PRKG1: variants seen among roughly 807,000 people sequenced by gnomAD.
PRKG1 encodes the protein protein kinase cGMP-dependent 1.
Under a neutral mutation model 88.1 loss-of-function variants are expected in PRKG1, and 35 were observed. The observed-to-expected ratio is 0.40, with a 90% CI of 0.30 to 0.53. The LOEUF is 0.53. Ranked by LOEUF, PRKG1 falls within the 20% of genes least tolerant of loss-of-function variation. The pLI, the probability that PRKG1 is intolerant of heterozygous loss-of-function variation, is 0.59. For synonymous variants in PRKG1, 303 were observed against 292.5 expected (o/e 1.04, Z -0.37); for missense variants, 540 against 839.8 (o/e 0.64, Z 4.41).
intron 1 of PRKG1, among the ~76,000 whole-genome samples, chr10:51,128,634 T>C (rs1845489792): frequency 6.6e-6 from 1 of 152,186 alleles, no homozygotes; most frequent in Non-Finnish European, 1.5e-5. Context: ...GTAAGTGGAA[T>C]TGCAAATCAA....
At chr10:51,861,198 G>T (rs1044060381) in intron 4 of PRKG1, among the ~76,000 whole-genome samples, 1 of 152,164 alleles carries the variant, frequency 6.6e-6, no homozygotes, top group Admixed American at 6.5e-5. Flanking sequence ...GTTCAAATAT[G>T]CTTAAACAAA....
At chr10:51,106,365 T>C (rs1164275280) in intron 1 of PRKG1, among the ~76,000 whole-genome samples, 1 of 152,174 alleles carries the variant, frequency 6.6e-6, no homozygotes, top group Non-Finnish European at 1.5e-5. Context: ...ATACATCATT[T>C]AAGACACGAT....
At chr10:51,204,463 T>G (rs927689679) in intron 2 of PRKG1, among the ~76,000 whole-genome samples, 1 of 152,052 alleles carries the variant, frequency 6.6e-6, no homozygotes, top group African/African-American at 2.4e-5. Flanking sequence ...GATGCTTGAT[T>G]ACATTTTCCA....
At chr10:52,150,147 CA>C (rs1837863016) in intron 8 of PRKG1, among the ~76,000 whole-genome samples, 2 of 27,492 alleles carry the variant, frequency 7.3e-5, no homozygotes, top group African/African-American at 1.5e-4. Context: ...GACTCCATCT[CA>C]AAATAATAAT....
intron 1 of PRKG1, among the ~76,000 whole-genome samples, chr10:51,042,107 A>G (rs1445583191): frequency 6.6e-6 from 1 of 151,992 alleles, no homozygotes; most frequent in Non-Finnish European, 1.5e-5. Flanking sequence ...GGAACTCTCC[A>G]CCCTCTCAGT....
chr10:52,231,265 G>T (rs1299317233), intron 9 of PRKG1: 1 of 152,184 alleles, frequency 6.6e-6, no homozygotes, highest in Non-Finnish European at 1.5e-5. Flanking sequence ...GCCAGACATG[G>T]TGGAGGGTGC....
At chr10:51,787,544 A>C (rs1165266505) in intron 3 of PRKG1, among the ~76,000 whole-genome samples, 1 of 152,172 alleles carries the variant, frequency 6.6e-6, no homozygotes, top group Admixed American at 6.6e-5. Context: ...CATCCATGGA[A>C]GCCTCAGTAG....
rs189018705 is a variant in PRKG1 at position 51,889,138 on chromosome 10, C to A, written c.699-18369C>A. On this transcript the variant is annotated intron_variant, in intron 4 of 17. Transcript: ENST00000373980. ...GGTTTGTTACATATGTATACATGCA[C>A]CATGTTGCTGTGCTGCACCCATTAA... Among the ~76,000 whole-genome samples the A allele has an allele frequency of 1.8e-3, 268 of 151,072 alleles. 2 individuals carry two copies. The highest frequency in any genetic ancestry group is 6.1e-3 in the African/African-American group (250 of 41,020).
At position 52,000,333 on chromosome 10, in the gene PRKG1, A is replaced by G. The variant is rs553570137; in HGVS notation, c.763-54151A>G. 2.3e-4 allele frequency among the ~76,000 whole-genome samples: 35 copies of G among 152,194 alleles called. 1 individual carries two copies. In the South Asian group the frequency reaches 7.2e-3, roughly 32 times the overall value. ...AAATGAGTGAGACAGCAATATATAT[A>G]TATAATTTCAACAGATGATTGAAAT... On this transcript the variant is annotated intron_variant, in intron 5 of 17. Coordinates refer to ENST00000373980, the MANE Select transcript of PRKG1 (RefSeq NM_006258.4).
At chr10:51,204,063 A>G (rs188721070) in intron 2 of PRKG1, among the ~76,000 whole-genome samples, 2 of 152,288 alleles carry the variant, frequency 1.3e-5, no homozygotes, top group East Asian at 1.9e-4. Context: ...CTTCTTCTCC[A>G]TCTGTTTTGA....
chr10:51,634,185 C>T (rs187779959), intron 3 of PRKG1, among the ~76,000 whole-genome samples: 8 of 152,122 alleles, frequency 5.3e-5, no homozygotes, highest in Non-Finnish European at 1.2e-4. Flanking sequence ...ACTAGCAAAG[C>T]TTCACAAAGG....
chr10:51,577,968 T>G (rs1025284007), intron 3 of PRKG1, among the ~76,000 whole-genome samples: 1 of 152,106 alleles, frequency 6.6e-6, no homozygotes, highest in Non-Finnish European at 1.5e-5. Flanking sequence ...TTTCTGTGAC[T>G]AGTAGGCTAC....
intron 2 of PRKG1, among the ~76,000 whole-genome samples, chr10:51,153,995 G>T (rs1031371853): frequency 2.6e-5 from 4 of 152,000 alleles, no homozygotes; most frequent in African/African-American, 9.7e-5. Context: ...TTTGTGGGAA[G>T]AAAGTAGCTT....
intron 6 of PRKG1, among the ~76,000 whole-genome samples, chr10:52,056,411 C>T (rs1903997): frequency 6.6e-6 from 1 of 151,996 alleles, no homozygotes; most frequent in African/African-American, 2.4e-5. Context: ...TTCTGACAGT[C>T]TTTTGTTACC....
intron 3 of PRKG1, among the ~76,000 whole-genome samples, chr10:51,727,618 C>T (rs1332112696): frequency 6.6e-6 from 1 of 152,082 alleles, no homozygotes; most frequent in Non-Finnish European, 1.5e-5. Flanking sequence ...CTAATATTCC[C>T]AGATGAACAG....
At chr10:52,271,569 A>G in intron 11 of PRKG1, 80 bp downstream of exon 11, 1 of 1,427,898 alleles carries the variant, frequency 7.0e-7, no homozygotes, top group Admixed American at 2.2e-5. Context: ...ACTTGTGCTC[A>G]CTGTTAACAC....
chr10:51,251,163 A>T (rs191130353), intron 2 of PRKG1, among the ~76,000 whole-genome samples: 2 of 151,700 alleles, frequency 1.3e-5, no homozygotes, highest in African/African-American at 4.8e-5. Context: ...AACAAATTGC[A>T]TTGCTTCCTT....
intron 4 of PRKG1, among the ~76,000 whole-genome samples, chr10:51,859,230 A>C (rs1840803202): frequency 6.6e-6 from 1 of 152,224 alleles, no homozygotes; most frequent in Non-Finnish European, 1.5e-5. Flanking sequence ...TCAAAGACTC[A>C]GATTCTGCAT....
At chr10:51,841,386 AG>A (rs1015676561) in intron 4 of PRKG1, among the ~76,000 whole-genome samples, 1 of 152,212 alleles carries the variant, frequency 6.6e-6, no homozygotes. Context: ...ATTATAGTAC[AG>A]TGTGATAAAT....
Sources: gnomAD v4.1 joint callset for allele counts (sites outside exome capture counted in the v4.1 genomes callset) on GRCh38, gnomAD v4.1.1 for gene constraint, MANE v1.5 for transcripts, NCBI Gene and HGNC (gene_info 2026-07-23, HGNC 2026-07-21) for gene names.